DPP6: variants seen among roughly 807,000 people sequenced by gnomAD.
The protein encoded by DPP6 is A-type potassium channel modulatory protein DPP6.
In DPP6, 69 loss-of-function variants were observed where a neutral mutation model predicts 122.6. That is an observed-to-expected ratio of 0.56 (90% CI 0.46 to 0.69). The LOEUF (loss-of-function observed/expected upper bound fraction) is 0.69, where lower values mean the gene tolerates loss of function less well. Ranked by LOEUF, DPP6 falls within the 30% of genes least tolerant of loss-of-function variation. The pLI, the probability that DPP6 is intolerant of heterozygous loss-of-function variation, is 0.00. For missense variants in DPP6, 928 were observed against 1,116.9 expected (o/e 0.83, Z 2.41); for synonymous variants, 418 against 433.1 (o/e 0.97, Z 0.43).
chr7:153,971,912 T>A lies in DPP6; in HGVS notation c.51+84178T>A, dbSNP rs1323696618. Among the ~76,000 whole-genome samples the A allele has an allele frequency of 3.4e-5, 5 of 147,266 alleles. No homozygotes were observed. The East Asian group carries it at 9.8e-4, about 29-fold the overall frequency. ...CTTATCTCAATCTCCTTTCTTAGGC[T>A]GTGGTCTGGAAGCTTTCTCTAGGCA... On this transcript the variant is annotated intron_variant, in intron 1 of 25. Coordinates refer to the DPP6 transcript ENST00000404039.
chr7:154,751,360 G>T (rs1843371458), intron 8 of DPP6, among the ~76,000 whole-genome samples: 1 of 151,874 alleles, frequency 6.6e-6, no homozygotes. Flanking sequence ...AGCACTTTGG[G>T]AGACCAAGGC....
chr7:153,853,682 T>C, the DPP6 span, among the ~76,000 whole-genome samples: 66 of 152,292 alleles, frequency 4.3e-4, no homozygotes, highest in African/African-American at 1.4e-3. Flanking sequence ...AACTCCTGGA[T>C]CTATGGGTCT....
chr7:153,761,199 A>C, the DPP6 span, among the ~76,000 whole-genome samples: 1 of 152,160 alleles, frequency 6.6e-6, no homozygotes, highest in African/African-American at 2.4e-5. Flanking sequence ...TATTTGTTTC[A>C]GGCAGGAGGA....
intron 1 of DPP6, among the ~76,000 whole-genome samples, chr7:154,023,357 C>CACACACACACACACAT (rs1563109429): frequency 9.9e-5 from 15 of 151,086 alleles, no homozygotes; most frequent in African/African-American, 3.7e-4. Flanking sequence ...CACACACACA[C>CACACACACACACACAT]ACACTTCTTA....
At chr7:154,631,127 A>G (rs1377963460) in intron 5 of DPP6, among the ~76,000 whole-genome samples, 1 of 152,246 alleles carries the variant, frequency 6.6e-6, no homozygotes, top group African/African-American at 2.4e-5. Flanking sequence ...TAAATTCAGT[A>G]GGAAGCTGTG....
chr7:154,342,665 A>G (rs1810034728), intron 1 of DPP6, among the ~76,000 whole-genome samples: 1 of 152,216 alleles, frequency 6.6e-6, no homozygotes, highest in Non-Finnish European at 1.5e-5. Context: ...TGATGTGAAC[A>G]TCTGACAGCT....
chr7:154,879,180 C>T (rs548864105), intron 20 of DPP6, among the ~76,000 whole-genome samples: 201 of 152,320 alleles, frequency 1.3e-3, no homozygotes, highest in Non-Finnish European at 2.1e-3. Context: ...TGGTGGCTCA[C>T]GCCTGTAATC....
chr7:154,831,186 A>G (rs1800601257), intron 16 of DPP6, among the ~76,000 whole-genome samples: 1 of 152,222 alleles, frequency 6.6e-6, no homozygotes, highest in Non-Finnish European at 1.5e-5. Context: ...ACACCAATCC[A>G]CGACCAGTCG....
chr7:154,151,197 A>G (rs545483558), intron 1 of DPP6, among the ~76,000 whole-genome samples: 30 of 152,286 alleles, frequency 2.0e-4, no homozygotes, highest in African/African-American at 7.0e-4. Flanking sequence ...ACCTGCCGGC[A>G]TTAGACCTGG....
chr7:154,480,039 G>T (rs992838613), intron 3 of DPP6, among the ~76,000 whole-genome samples: 1 of 151,426 alleles, frequency 6.6e-6, no homozygotes, highest in Non-Finnish European at 1.5e-5. Context: ...CGCCCCACAG[G>T]TGACCTGTCT....
Position 154,435,234 on chromosome 7 carries a change from CAGAG to C in DPP6, c.244-10974_244-10971del, listed in dbSNP as rs775487194. On this transcript the variant is annotated intron_variant, in intron 1 of 25. Transcript: ENST00000377770. Reference sequence around the variant, plus strand: ...TGAAAGAGCAACAGGGACAGAGAGACAGAGAGAGAACAAGGAGAAGGAGGACGAG... The same window carrying C: ...TGAAAGAGCAACAGGGACAGAGAGACAGAGAACAAGGAGAAGGAGGACGAG... Among the ~76,000 whole-genome samples, 62 of 151,906 alleles carry C rather than the reference CAGAG, an allele frequency of 4.1e-4. 1 individual carries two copies. The East Asian group carries it at 8.2e-3, about 20-fold the overall frequency.
At chr7:154,594,683 T>A (rs1463371194) in intron 5 of DPP6, among the ~76,000 whole-genome samples, 1 of 152,170 alleles carries the variant, frequency 6.6e-6, no homozygotes, top group Non-Finnish European at 1.5e-5. Flanking sequence ...ATGCCTTATC[T>A]TGCTTTCCCT....
chr7:154,487,108 C>T (rs946020107), intron 3 of DPP6, among the ~76,000 whole-genome samples: 3 of 152,172 alleles, frequency 2.0e-5, no homozygotes, highest in African/African-American at 7.2e-5. Context: ...TATTTGTTTG[C>T]AGTATACAGA....
chr7:153,935,069 C>T (rs1801367474), intron 1 of DPP6, among the ~76,000 whole-genome samples: 1 of 152,206 alleles, frequency 6.6e-6, no homozygotes, highest in South Asian at 2.1e-4. Flanking sequence ...TGGCGAATGT[C>T]CTGACATAAC....
intron 2 of DPP6, among the ~76,000 whole-genome samples, chr7:154,457,157 C>CTTTTTCT: frequency 1.3e-5 from 1 of 75,196 alleles, no homozygotes. Context: ...CAAAAGTGGG[C>CTTTTTCT]GAAGGACATG....
At chr7:153,910,022 A>G (rs1800012894) in intron 1 of DPP6, among the ~76,000 whole-genome samples, 1 of 152,146 alleles carries the variant, frequency 6.6e-6, no homozygotes, top group Admixed American at 6.5e-5. Flanking sequence ...TGGAGAGGGT[A>G]TATAAGCTTT....
intron 1 of DPP6, among the ~76,000 whole-genome samples, chr7:154,185,097 A>C (rs1191728462): frequency 6.6e-6 from 1 of 152,242 alleles, no homozygotes; most frequent in Non-Finnish European, 1.5e-5. Flanking sequence ...TAGAAGGACA[A>C]AAGAAAATCT....
chr7:154,621,419 A>C (rs1834645651), intron 5 of DPP6, among the ~76,000 whole-genome samples: 1 of 152,194 alleles, frequency 6.6e-6, no homozygotes, highest in Non-Finnish European at 1.5e-5. Context: ...CCCAGGCTAG[A>C]GGGCAGTGGT....
intron 1 of DPP6, among the ~76,000 whole-genome samples, chr7:154,144,721 A>T (rs1273333038): frequency 6.6e-6 from 1 of 152,116 alleles, no homozygotes; most frequent in African/African-American, 2.4e-5. Flanking sequence ...GCGTTTTTTT[A>T]GGGTTACATG....
Sources: allele counts gnomAD v4.1 joint callset (sites outside exome capture counted in the v4.1 genomes callset), GRCh38; gene constraint gnomAD v4.1.1; transcripts MANE v1.5; gene names NCBI Gene and HGNC (gene_info 2026-07-23, HGNC 2026-07-21).